Variants in TANC2 observed in about 807,000 individuals in gnomAD.
TANC2 encodes the protein protein TANC2.
TANC2 carries 26 observed loss-of-function variants against 210.5 expected under a neutral mutation model. That is an observed-to-expected ratio of 0.12 (90% confidence interval 0.09 to 0.17). The LOEUF (loss-of-function observed/expected upper bound fraction) is 0.17. TANC2 is among the 10% of genes least tolerant of loss of function. The pLI, the probability that TANC2 is intolerant of heterozygous loss-of-function variation, is 1.00. For missense variants in TANC2, 2,129 were observed against 2,608.9 expected, an observed-to-expected ratio of 0.82 and a Z score of 4.01; for synonymous variants, 931 against 967.1, an observed-to-expected ratio of 0.96 and a Z score of 0.69.
chr17:63,316,114 GATCTTTCAGAA>G (rs1466182574), intron 10 of TANC2, among the ~76,000 whole-genome samples: 12 of 152,126 alleles, frequency 7.9e-5, no homozygotes, highest in Non-Finnish European at 1.8e-4. Flanking sequence ...GTGACTAATT[GATCTTTCAGAA>G]TTGTCTCTGC....
intron 2 of TANC2, among the ~76,000 whole-genome samples, chr17:63,051,426 TAG>T (rs2144389815): frequency 6.6e-6 from 1 of 152,336 alleles, no homozygotes; most frequent in East Asian, 1.9e-4. Context: ...TTCTAGCTTT[TAG>T]AGTCTTAGGA....
intron 9 of TANC2, among the ~76,000 whole-genome samples, chr17:63,301,494 G>A (rs2044711720): frequency 6.6e-6 from 1 of 152,036 alleles, no homozygotes; most frequent in African/African-American, 2.4e-5. Context: ...ACTTCTTCCT[G>A]GTTCAGCCTT....
At chr17:63,330,087 T>G (rs2045785349) in intron 11 of TANC2, among the ~76,000 whole-genome samples, 1 of 152,192 alleles carries the variant, frequency 6.6e-6, no homozygotes, top group Non-Finnish European at 1.5e-5. Flanking sequence ...CAGAGAAAAT[T>G]TTAGTGGTCT....
At chr17:63,406,372 C>T in intron 21 of TANC2, 95 bp downstream of exon 21, 1 of 1,543,152 alleles carries the variant, frequency 6.5e-7, no homozygotes, top group South Asian at 1.2e-5. Context: ...ATGCTAAGAA[C>T]AGATATTAAT....
At chr17:63,010,410 C>G (rs895501170) in intron 2 of TANC2, among the ~76,000 whole-genome samples, 2 of 151,058 alleles carry the variant, frequency 1.3e-5, no homozygotes, top group Non-Finnish European at 2.9e-5. Flanking sequence ...AAAAGGAAAA[C>G]TGTTTTTTCC....
intron 9 of TANC2, among the ~76,000 whole-genome samples, chr17:63,307,097 G>T (rs1260322492): frequency 6.6e-6 from 1 of 152,186 alleles, no homozygotes. Context: ...TGAGATGCCT[G>T]CAGGGGTAGG....
At chr17:63,034,770 G>T (rs1020658434) in intron 2 of TANC2, among the ~76,000 whole-genome samples, 5 of 152,242 alleles carry the variant, frequency 3.3e-5, no homozygotes, top group Admixed American at 2.6e-4. Context: ...ACTAGGATTC[G>T]AAATACAGCC....
At chr17:63,097,511 G>A (rs1256117154) in intron 3 of TANC2, among the ~76,000 whole-genome samples, 1 of 150,968 alleles carries the variant, frequency 6.6e-6, no homozygotes, top group Non-Finnish European at 1.5e-5. Flanking sequence ...ATTGGAATAA[G>A]TATTGTCTTG....
chr17:63,326,640 G>A (rs2045656795), intron 11 of TANC2, among the ~76,000 whole-genome samples: 1 of 152,002 alleles, frequency 6.6e-6, no homozygotes, highest in Non-Finnish European at 1.5e-5. Context: ...TGAGGTGGAA[G>A]GATTGCTTGA....
chr17:63,374,091 C>T (rs2047356016), intron 14 of TANC2, among the ~76,000 whole-genome samples: 1 of 128,594 alleles, frequency 7.8e-6, no homozygotes, highest in Admixed American at 9.1e-5. Context: ...GGCTGGAGTG[C>T]AACGGTGTAA....
chr17:63,178,353 G>C (rs2040665056), intron 5 of TANC2, among the ~76,000 whole-genome samples: 1 of 151,906 alleles, frequency 6.6e-6, no homozygotes, highest in Non-Finnish European at 1.5e-5. Flanking sequence ...ACAAAAAACT[G>C]CCCTATGGGC....
chr17:63,369,167 T>G (rs541900467), intron 14 of TANC2, among the ~76,000 whole-genome samples: 9 of 152,176 alleles, frequency 5.9e-5, no homozygotes, highest in Non-Finnish European at 1.3e-4. Flanking sequence ...TCTGAATTTC[T>G]CAGAGGAATT....
Position 63,418,475 on chromosome 17 carries a change from G to C in TANC2, c.4268+68G>C. 2 of 1,415,820 alleles carry C rather than the reference G, an allele frequency of 1.4e-6. No individual in the cohort carries two copies. The highest frequency in any genetic ancestry group is 2.5e-5 in the South Asian group (2 of 81,102). 87.7% of individuals were successfully genotyped at this position (1,415,820 alleles called of 1,614,324 possible). On this transcript the variant is annotated intron_variant, in intron 27 of 27. Coordinates refer to ENST00000689528, the Ensembl canonical transcript of TANC2. The surrounding 1 kb of genome is among the most constrained non-coding windows in gnomAD (Gnocchi z 4.6). ...TGAAAATTTGGCCAAGGCAGCGTCG[G>C]CCACCCTGGGGCATATGTACCCAAA...
intron 11 of TANC2, among the ~76,000 whole-genome samples, chr17:63,323,234 T>A (rs1342672223): frequency 1.3e-5 from 2 of 152,244 alleles, no homozygotes; most frequent in Admixed American, 6.5e-5. Context: ...ATCTCTCAAT[T>A]TGACATATTC....
chr17:63,131,448 C>T (rs1001850017), intron 4 of TANC2, among the ~76,000 whole-genome samples: 3 of 151,624 alleles, frequency 2.0e-5, no homozygotes, highest in Non-Finnish European at 4.4e-5. Context: ...AATCCCATTC[C>T]ACTCCCAGAA....
intron 5 of TANC2, among the ~76,000 whole-genome samples, chr17:63,167,912 A>G (rs1232952832): frequency 3.3e-5 from 5 of 150,954 alleles, no homozygotes; most frequent in Non-Finnish European, 3.0e-5. Flanking sequence ...AAAAAAAAGA[A>G]AAGGAAAGAA....
chr17:63,150,636 A>G (rs1025424193), intron 4 of TANC2: 5 of 152,182 alleles, frequency 3.3e-5, no homozygotes, highest in Non-Finnish European at 7.4e-5. Flanking sequence ...GCTTTAGTCC[A>G]CCAGCAGTTT....
intron 9 of TANC2, among the ~76,000 whole-genome samples, chr17:63,299,467 G>T (rs985564674): frequency 6.0e-5 from 9 of 150,542 alleles, no homozygotes; most frequent in Non-Finnish European, 8.8e-5. Context: ...TTGCCATTCC[G>T]ACTGGCATGA....
chr17:63,422,920 C>T (rs1339371729), exon 28 of TANC2: 1 of 152,164 alleles, frequency 6.6e-6, no homozygotes, highest in Non-Finnish European at 1.5e-5. Context: ...AAACTCTAAC[C>T]GAAGGCTGGC....
Sources: gnomAD v4.1 joint callset for allele counts (sites outside exome capture counted in the v4.1 genomes callset) on GRCh38, gnomAD v4.1.1 for gene constraint, Gnocchi (gnomAD v3.1) non-coding constraint, MANE v1.5 for transcripts, NCBI Gene and HGNC (gene_info 2026-07-23, HGNC 2026-07-21) for gene names.